NRG1: variants seen among roughly 807,000 people sequenced by gnomAD.
The protein encoded by NRG1 is neuregulin 1.
NRG1 carries 18 observed loss-of-function variants against 63.8 expected under a neutral mutation model. That is an observed-to-expected ratio of 0.28 (90% CI 0.19 to 0.42). NRG1 has a LOEUF of 0.42. Ranked by LOEUF, NRG1 falls within the 10% of genes least tolerant of loss-of-function variation. The pLI is 1.00. For missense variants in NRG1, 762 were observed against 814.7 expected (o/e 0.94, Z 0.79); for synonymous variants, 302 against 301.3 (o/e 1.00, Z -0.02).
chr8:32,616,951 A>G (rs940486679), intron 5 of NRG1, 66 bp downstream of exon 5: 3 of 1,168,454 alleles, frequency 2.6e-6, no homozygotes, highest in African/African-American at 1.5e-5. Flanking sequence ...TTGGAAGGTC[A>G]TGTTCACGTC....
At chr8:32,585,631 CAGAT>C (rs750076937) in intron 1 of NRG1, among the ~76,000 whole-genome samples, 11 of 152,188 alleles carry the variant, frequency 7.2e-5, no homozygotes, top group South Asian at 2.1e-4. Flanking sequence ...TGGCATATGA[CAGAT>C]AGACAGCTGC....
At chr8:32,458,628 C>T (rs1228024448) in intron 1 of NRG1, among the ~76,000 whole-genome samples, 1 of 149,336 alleles carries the variant, frequency 6.7e-6, no homozygotes, top group Non-Finnish European at 1.5e-5. Flanking sequence ...AGATATCATA[C>T]CTCTTTATGC....
At chr8:32,414,121 A>G (rs1008095869) in intron 1 of NRG1, among the ~76,000 whole-genome samples, 1 of 152,064 alleles carries the variant, frequency 6.6e-6, no homozygotes, top group African/African-American at 2.4e-5. Flanking sequence ...TGGAAGTCCT[A>G]ATGTGTCTTA....
chr8:32,265,458 G>T (rs1210293954), intron 1 of NRG1, among the ~76,000 whole-genome samples: 1 of 152,112 alleles, frequency 6.6e-6, no homozygotes, highest in Non-Finnish European at 1.5e-5. Flanking sequence ...GTAAGGTCCA[G>T]TTGACCCTCC....
At chr8:32,640,148 G>T (rs1237216554) in intron 5 of NRG1, among the ~76,000 whole-genome samples, 1 of 152,012 alleles carries the variant, frequency 6.6e-6, no homozygotes, top group Non-Finnish European at 1.5e-5. Flanking sequence ...AAGCCAATAT[G>T]TATTGCTCCA....
intron 1 of NRG1, among the ~76,000 whole-genome samples, chr8:31,948,057 A>G (rs1392180670): frequency 1.3e-5 from 2 of 151,740 alleles, no homozygotes; most frequent in African/African-American, 4.8e-5. Flanking sequence ...AGAAGATTTA[A>G]CAACTGGAAT....
intron 1 of NRG1, among the ~76,000 whole-genome samples, chr8:31,841,777 G>A (rs1487842859): frequency 1.3e-5 from 2 of 152,134 alleles, no homozygotes; most frequent in South Asian, 4.1e-4. Context: ...ATACCAGATT[G>A]TAAATAATTC....
intron 1 of NRG1, among the ~76,000 whole-genome samples, chr8:32,496,860 C>T (rs1563545013): frequency 6.6e-6 from 1 of 152,066 alleles, no homozygotes; most frequent in Non-Finnish European, 1.5e-5. Context: ...AGTATTTAAG[C>T]AATACATGCA....
At chr8:31,741,789 T>C (rs1470578613) in intron 1 of NRG1, among the ~76,000 whole-genome samples, 2 of 152,028 alleles carry the variant, frequency 1.3e-5, no homozygotes, top group Non-Finnish European at 2.9e-5. Context: ...GCATTAGCTG[T>C]AAAGTTTGAA....
intron 1 of NRG1, among the ~76,000 whole-genome samples, chr8:32,394,950 G>C (rs560487212): frequency 1.3e-5 from 2 of 152,286 alleles, no homozygotes; most frequent in African/African-American, 4.8e-5. Flanking sequence ...AATGGTTTCA[G>C]ATAGTATGAA....
intron 5 of NRG1, among the ~76,000 whole-genome samples, chr8:32,638,386 T>G (rs1200510753): frequency 6.6e-6 from 1 of 152,192 alleles, no homozygotes; most frequent in Non-Finnish European, 1.5e-5. Flanking sequence ...TAAAAAAAAT[T>G]TAAATCTAAT....
chr8:32,441,862 C>T (rs1041444503), intron 1 of NRG1, among the ~76,000 whole-genome samples: 4 of 152,018 alleles, frequency 2.6e-5, no homozygotes, highest in Non-Finnish European at 5.9e-5. Context: ...CAGTTTCTGA[C>T]CTTCAACTCT....
chr8:32,586,192 T>C (rs1563710336), intron 1 of NRG1, among the ~76,000 whole-genome samples: 1 of 149,282 alleles, frequency 6.7e-6, no homozygotes, highest in Non-Finnish European at 1.5e-5. Context: ...ATAATGTGTA[T>C]ATGTATACAT....
At chr8:32,521,485 C>T (rs900233529) in intron 1 of NRG1, among the ~76,000 whole-genome samples, 3 of 151,956 alleles carry the variant, frequency 2.0e-5, no homozygotes, top group Admixed American at 6.6e-5. Context: ...GAATACAACA[C>T]GAATGCCCCC....
intron 1 of NRG1, among the ~76,000 whole-genome samples, chr8:32,476,216 G>C (rs1309203484): frequency 1.3e-5 from 2 of 152,176 alleles, no homozygotes; most frequent in Admixed American, 1.3e-4. Flanking sequence ...GGAAAAAAGG[G>C]ACCAATGACA....
chr8:32,399,776 C>A (rs963095408), intron 1 of NRG1, among the ~76,000 whole-genome samples: 1 of 152,080 alleles, frequency 6.6e-6, no homozygotes, highest in African/African-American at 2.4e-5. Context: ...TCCTGTAATT[C>A]TTTTTATTAT....
chr8:31,756,615 C>T (rs188297497), intron 1 of NRG1, among the ~76,000 whole-genome samples: 69 of 152,242 alleles, frequency 4.5e-4, no homozygotes, highest in Non-Finnish European at 6.5e-4. Flanking sequence ...GTTATCCTTA[C>T]GACATCTCTC....
At chr8:32,091,233 A>C (rs113043284) in intron 1 of NRG1, among the ~76,000 whole-genome samples, 2 of 151,170 alleles carry the variant, frequency 1.3e-5, no homozygotes, top group Admixed American at 6.6e-5. Context: ...AGCTGAGATC[A>C]CGCCACTGCA....
chr8:32,018,800 C>A (rs970502447), intron 1 of NRG1, among the ~76,000 whole-genome samples: 1 of 152,184 alleles, frequency 6.6e-6, no homozygotes, highest in African/African-American at 2.4e-5. Context: ...GTATATTTAG[C>A]TTTAATTGAT....
Sources: allele counts gnomAD v4.1 joint callset (sites outside exome capture counted in the v4.1 genomes callset), GRCh38; gene constraint gnomAD v4.1.1; transcripts MANE v1.5; gene names NCBI Gene and HGNC (gene_info 2026-07-23, HGNC 2026-07-21).